Variants in ULK4 observed in about 807,000 individuals in gnomAD.
The protein encoded by ULK4 is inactive serine/threonine-protein kinase ULK4.
ULK4 carries 133 observed loss-of-function variants against 160.6 expected under a neutral mutation model. The observed-to-expected ratio is 0.83, with a 90% CI of 0.72 to 0.96. The LOEUF is 0.96. Ranked by LOEUF, ULK4 falls within the 40% of genes least tolerant of loss-of-function variation. The probability of loss-of-function intolerance (pLI) is 0.00; values close to 1 mark genes in which losing one functional copy is unlikely to be tolerated. For synonymous variants in ULK4, 534 were observed against 539.8 expected, an observed-to-expected ratio of 0.99 and a Z score of 0.15; for missense variants, 1,580 against 1,499.5, an observed-to-expected ratio of 1.05 and a Z score of -0.89.
At chr3:41,809,101 G>C (rs546642821) in intron 19 of ULK4, among the ~76,000 whole-genome samples, 42 of 151,034 alleles carry the variant, frequency 2.8e-4, no homozygotes, top group Middle Eastern at 3.4e-3. Context: ...AGGAGGCTGA[G>C]GTTGCAGTGA....
intron 17 of ULK4, among the ~76,000 whole-genome samples, chr3:41,849,417 T>C (rs983719522): frequency 5.9e-5 from 9 of 152,104 alleles, no homozygotes; most frequent in African/African-American, 1.9e-4. Flanking sequence ...AACCACAGAC[T>C]GTATACAACA....
intron 31 of ULK4, among the ~76,000 whole-genome samples, chr3:41,585,077 T>C (rs2030690082): frequency 6.6e-6 from 1 of 152,158 alleles, no homozygotes; most frequent in South Asian, 2.1e-4. Context: ...ATTGCTCAAA[T>C]GTCCACACTA....
intron 34 of ULK4, among the ~76,000 whole-genome samples, chr3:41,454,776 T>C (rs912392380): frequency 2.8e-4 from 43 of 152,132 alleles, no homozygotes; most frequent in African/African-American, 9.9e-4. Context: ...CACTGCAACC[T>C]CTGCCTCCTG....
At chr3:41,307,471 T>C (rs564698612) in intron 35 of ULK4, among the ~76,000 whole-genome samples, 3 of 152,316 alleles carry the variant, frequency 2.0e-5, no homozygotes, top group Middle Eastern at 3.4e-3. Context: ...AGAGACTGGA[T>C]AGACTAAAAT....
chr3:41,527,816 A>G (rs2086172077), intron 32 of ULK4, among the ~76,000 whole-genome samples: 1 of 152,250 alleles, frequency 6.6e-6, no homozygotes, highest in Non-Finnish European at 1.5e-5. Flanking sequence ...CACACATTTT[A>G]GGATTTCTAA....
At chr3:41,667,238 G>A (rs2035377002) in intron 29 of ULK4, among the ~76,000 whole-genome samples, 1 of 152,020 alleles carries the variant, frequency 6.6e-6, no homozygotes, top group African/African-American at 2.4e-5. Context: ...GAGGTCGTTT[G>A]AAGTTATCTA....
At chr3:41,510,845 G>A (rs984229360) in intron 32 of ULK4, among the ~76,000 whole-genome samples, 4 of 152,182 alleles carry the variant, frequency 2.6e-5, no homozygotes, top group African/African-American at 9.6e-5. Flanking sequence ...TAAGAGGAAA[G>A]TTCATAGCAT....
chr3:41,907,939 G>A lies in ULK4; in HGVS notation c.1088C>T (p.Ser363Phe), dbSNP rs1350177214. Residue 363 changes from serine to phenylalanine, a missense_variant and splice_region_variant, in exon 12 of 37, where the codon TCT (serine) becomes TTT (phenylalanine). Coordinates refer to ENST00000301831, the MANE Select transcript of ULK4 (RefSeq NM_017886.4). ...QLNESMFLLS[S>F]RPTPRTSTAV... ...AGTGCTAGTTCTGGGAGTAGGACGA[G>A]AACTGAAAAATACAAACCAGTTAAC... is the stretch of plus-strand genomic sequence containing the variant. The A allele has an allele frequency of 1.9e-6, 3 of 1,597,592 alleles. No individual in the cohort carries two copies. The highest frequency in any genetic ancestry group is 2.3e-5 in the South Asian group (2 of 88,244).
At chr3:41,271,733 T>C (rs2079141497) in intron 35 of ULK4, among the ~76,000 whole-genome samples, 1 of 152,116 alleles carries the variant, frequency 6.6e-6, no homozygotes, top group African/African-American at 2.4e-5. Context: ...ATTCTATTGT[T>C]TGGATACATC....
intron 25 of ULK4, among the ~76,000 whole-genome samples, chr3:41,710,754 G>A (rs1370853687): frequency 1.3e-5 from 2 of 150,220 alleles, no homozygotes; most frequent in African/African-American, 4.9e-5. Context: ...AGATCGCTCC[G>A]CTGCACAAGC....
chr3:41,807,981 GA>G (rs1373173191), intron 19 of ULK4, among the ~76,000 whole-genome samples: 2 of 152,136 alleles, frequency 1.3e-5, no homozygotes, highest in Non-Finnish European at 2.9e-5. Flanking sequence ...CGCCCTTGGG[GA>G]CAGGCCCACC....
intron 32 of ULK4, among the ~76,000 whole-genome samples, chr3:41,545,897 T>G (rs2086843489): frequency 6.6e-6 from 1 of 152,192 alleles, no homozygotes; most frequent in South Asian, 2.1e-4. Flanking sequence ...CAGGTAATTT[T>G]TTTGTTTTAA....
At chr3:41,702,956 C>T (rs1051201888) in intron 27 of ULK4, among the ~76,000 whole-genome samples, 4 of 150,562 alleles carry the variant, frequency 2.7e-5, no homozygotes, top group Non-Finnish European at 2.9e-5. Flanking sequence ...CAGGTTCAAG[C>T]GACTCTCCTG....
intron 35 of ULK4, among the ~76,000 whole-genome samples, chr3:41,376,828 C>T (rs557182561): frequency 1.3e-5 from 2 of 149,940 alleles, no homozygotes; most frequent in Admixed American, 6.6e-5. Context: ...CAATGCCATC[C>T]CCAACAAGCT....
chr3:41,805,318 T>G lies in ULK4; in HGVS notation c.1849-5025A>C, dbSNP rs973922417. Among the ~76,000 whole-genome samples, 4 of 152,216 alleles carry G rather than the reference T, an allele frequency of 2.6e-5. No individual in the cohort carries two copies. The South Asian group carries it at 6.2e-4, about 24-fold the overall frequency. ...TTGGTGTATAAGAATGCTTGTGATTTTTGTACATTGATTTTGTATCCTGAG... is the reference window on the plus strand; with the variant it reads ...TTGGTGTATAAGAATGCTTGTGATTGTTGTACATTGATTTTGTATCCTGAG... On this transcript the variant is annotated intron_variant, in intron 19 of 36. Transcript: ENST00000301831.
intron 16 of ULK4, among the ~76,000 whole-genome samples, chr3:41,887,238 C>G (rs1234610858): frequency 6.6e-6 from 1 of 152,140 alleles, no homozygotes; most frequent in South Asian, 2.1e-4. Flanking sequence ...CAAGTAGGAC[C>G]AATAATAATA....
chr3:41,395,375 C>T (rs929526376), intron 35 of ULK4, among the ~76,000 whole-genome samples: 2 of 151,962 alleles, frequency 1.3e-5, no homozygotes, highest in Non-Finnish European at 2.9e-5. Context: ...GGTGGAACAA[C>T]ACAAATGTCC....
intron 34 of ULK4, among the ~76,000 whole-genome samples, chr3:41,402,818 T>C (rs539384442): frequency 2.0e-5 from 3 of 152,262 alleles, no homozygotes; most frequent in East Asian, 3.9e-4. Flanking sequence ...GAGAGGACTT[T>C]GTCTTAGTTT....
chr3:41,420,471 CTTTCTTTTTTTTTTTT>C (rs1487941203), intron 34 of ULK4, among the ~76,000 whole-genome samples: 3 of 63,248 alleles, frequency 4.7e-5, no homozygotes, highest in African/African-American at 1.9e-4. Flanking sequence ...TTTTCCAGTT[CTTTCTTTTTTTTTTTT>C]TTTTTTTTTT....
Sources: gnomAD v4.1 joint callset for allele counts (sites outside exome capture counted in the v4.1 genomes callset) on GRCh38, gnomAD v4.1.1 for gene constraint, MANE v1.5 for transcripts, NCBI Gene and HGNC (gene_info 2026-07-23, HGNC 2026-07-21) for gene names.